PRKN: variants seen among roughly 807,000 people sequenced by gnomAD.
PRKN encodes the protein E3 ubiquitin-protein ligase parkin.
In PRKN, 56 loss-of-function variants were observed where a neutral mutation model predicts 59.5. The ratio of observed to expected loss-of-function variants is 0.94; its 90% CI spans 0.76 to 1.18. The LOEUF is 1.18. PRKN is among the 50% of genes most tolerant of loss of function. The pLI is 0.00. For synonymous variants in PRKN, 250 were observed against 222.1 expected, an observed-to-expected ratio of 1.13 and a Z score of -1.12; for missense variants, 657 against 596.4, an observed-to-expected ratio of 1.10 and a Z score of -1.06.
chr6:162,199,610 C>G (rs1784636341), intron 4 of PRKN, among the ~76,000 whole-genome samples: 1 of 152,124 alleles, frequency 6.6e-6, no homozygotes. Flanking sequence ...TGGAAGCAAC[C>G]CCTCTTGGGG....
intron 2 of PRKN, among the ~76,000 whole-genome samples, chr6:162,394,466 T>C (rs1016898244): frequency 2.6e-5 from 4 of 152,220 alleles, no homozygotes; most frequent in Non-Finnish European, 5.9e-5. Flanking sequence ...ACCTAGTCAC[T>C]ACTACAAGAT....
At chr6:161,715,351 C>A (rs73783352) in intron 7 of PRKN, among the ~76,000 whole-genome samples, 1 of 151,728 alleles carries the variant, frequency 6.6e-6, no homozygotes, top group Non-Finnish European at 1.5e-5. Flanking sequence ...ATCTGAATTA[C>A]CTCTGAATAT....
chr6:162,320,275 T>C (rs1782935841), intron 2 of PRKN, among the ~76,000 whole-genome samples: 1 of 147,500 alleles, frequency 6.8e-6, no homozygotes, highest in African/African-American at 2.5e-5. Flanking sequence ...AAACACAAAG[T>C]GCAGGTATCT....
intron 6 of PRKN, among the ~76,000 whole-genome samples, chr6:161,867,633 C>T (rs545197172): frequency 6.6e-6 from 1 of 152,124 alleles, no homozygotes; most frequent in African/African-American, 2.4e-5. Flanking sequence ...AAATACTTGC[C>T]ATAGTAAAGA....
At chr6:161,661,594 T>C (rs1286772602) in intron 7 of PRKN, among the ~76,000 whole-genome samples, 3 of 151,914 alleles carry the variant, frequency 2.0e-5, no homozygotes, top group South Asian at 2.1e-4. Flanking sequence ...CTCATTTCTG[T>C]ATATTTGCTT....
At position 162,056,001 on chromosome 6, in the gene PRKN, G is replaced by A. The variant is rs62436039; in HGVS notation, c.535-1827C>T. ...ATACCACACACACTCAGGCATGCAC[G>A]CACACAGGCATGCACGCACACAGCA... On this transcript the variant is annotated intron_variant, in intron 4 of 11. Coordinates refer to ENST00000366898, the MANE Select transcript of PRKN (RefSeq NM_004562.3). This position sits in a 1 kb window ranked among gnomAD's most constrained non-coding sequence, Gnocchi z 4.9. Among the ~76,000 whole-genome samples, 6 of 37,698 alleles carry A rather than the reference G, an allele frequency of 1.6e-4. No individual in the cohort carries two copies. The highest frequency in any genetic ancestry group is 1.8e-3 in the South Asian group (1 of 552). 24.7% of individuals were successfully genotyped at this position (37,698 alleles called of 152,430 possible). A position where few individuals can be genotyped will look rare whatever the true frequency, so the allele number is the denominator to read the frequency against.
intron 2 of PRKN, among the ~76,000 whole-genome samples, chr6:162,442,334 G>T (rs1422057881): frequency 6.6e-6 from 1 of 152,190 alleles, no homozygotes; most frequent in Non-Finnish European, 1.5e-5. Flanking sequence ...AAACCTGAGT[G>T]CAATTAATTG....
rs1013237649 is a variant in PRKN, at chr6:161,475,958, G to A, written c.1083+72896C>T. On this transcript the variant is annotated intron_variant, in intron 9 of 11. Transcript: ENST00000366898. The surrounding 1 kb of genome is among the most constrained non-coding windows in gnomAD (Gnocchi z 5.3). The stretch of plus-strand genomic sequence containing the variant: ...TCCCAGCATTTTGGGAGGCCAAGGT[G>A]GGCGGATCACGAGGTCAGGAGATGG... Among the ~76,000 whole-genome samples, 10 of 152,054 alleles carry A rather than the reference G, an allele frequency of 6.6e-5. No homozygotes were observed. Among genetic ancestry groups the A allele is most frequent in the Non-Finnish European group, 1.3e-4 (9 of 68,018 alleles).
At chr6:161,774,897 T>C (rs2128204022) in intron 7 of PRKN, among the ~76,000 whole-genome samples, 1 of 152,312 alleles carries the variant, frequency 6.6e-6, no homozygotes, top group African/African-American at 2.4e-5. Flanking sequence ...TTAGGAAGTT[T>C]GATTTAATTT....
intron 7 of PRKN, among the ~76,000 whole-genome samples, chr6:161,754,882 C>T (rs968281019): frequency 4.1e-4 from 62 of 152,106 alleles, no homozygotes; most frequent in South Asian, 2.1e-4. Flanking sequence ...TCCTGAGACA[C>T]TTAGGAAAGC....
At chr6:162,682,191 T>C (rs4708972) in intron 1 of PRKN, among the ~76,000 whole-genome samples, 27,665 of 151,996 alleles carry the variant, frequency 0.18, 3,136 homozygotes, top group East Asian at 0.48. Flanking sequence ...CTGTGTTGGA[T>C]TGCAGCAGTG....
chr6:161,831,267 T>C (rs1388829480), intron 6 of PRKN, among the ~76,000 whole-genome samples: 1 of 152,222 alleles, frequency 6.6e-6, no homozygotes, highest in Non-Finnish European at 1.5e-5. Context: ...AAGCCCTGTA[T>C]TAAGAACTGA....
intron 2 of PRKN, chr6:162,275,016 G>C (rs1780566059): frequency 6.8e-6 from 1 of 146,810 alleles, no homozygotes; most frequent in Admixed American, 7.1e-5. Context: ...GGGAGGTGGA[G>C]CTTGCAGTGA....
intron 1 of PRKN, among the ~76,000 whole-genome samples, chr6:162,613,137 G>C (rs1402002086): frequency 6.6e-6 from 1 of 152,042 alleles, no homozygotes; most frequent in African/African-American, 2.4e-5. Flanking sequence ...CTTCCCCATG[G>C]TCTCTCAGTT....
intron 4 of PRKN, among the ~76,000 whole-genome samples, chr6:162,145,679 C>T (rs1781993068): frequency 6.6e-6 from 1 of 152,108 alleles, no homozygotes; most frequent in Non-Finnish European, 1.5e-5. Context: ...GTCCAAATAC[C>T]CCCAGAGGTT....
intron 2 of PRKN, among the ~76,000 whole-genome samples, chr6:162,430,084 T>C (rs1789434485): frequency 6.6e-6 from 1 of 152,108 alleles, no homozygotes. Flanking sequence ...TCTCCTCAGC[T>C]TAGAGGCCTT....
intron 2 of PRKN, among the ~76,000 whole-genome samples, chr6:162,349,776 T>A (rs574421627): frequency 1.3e-5 from 2 of 152,286 alleles, no homozygotes; most frequent in East Asian, 3.9e-4. Context: ...GCTTTCCCCT[T>A]AAAAGGAGGA....
chr6:162,682,887 C>A (rs925340046), intron 1 of PRKN, among the ~76,000 whole-genome samples: 1 of 151,948 alleles, frequency 6.6e-6, no homozygotes, highest in Non-Finnish European at 1.5e-5. Flanking sequence ...ACAGAAGAAT[C>A]CCAAAATGAA....
intron 7 of PRKN, among the ~76,000 whole-genome samples, chr6:161,639,544 C>G (rs1449108232): frequency 3.3e-5 from 5 of 152,152 alleles, no homozygotes; most frequent in Non-Finnish European, 5.9e-5. Context: ...CCTGGTCCTC[C>G]CACCTCCTCA....
Sources: allele counts gnomAD v4.1 joint callset (sites outside exome capture counted in the v4.1 genomes callset), GRCh38; gene constraint gnomAD v4.1.1; non-coding constraint Gnocchi (gnomAD v3.1); transcripts MANE v1.5; gene names NCBI Gene and HGNC (gene_info 2026-07-23, HGNC 2026-07-21).